AUTS2: variants seen among roughly 807,000 people sequenced by gnomAD.
AUTS2 encodes the protein autism susceptibility gene 2 protein.
In AUTS2, 17 loss-of-function variants were observed where a neutral mutation model predicts 112.4. The observed-to-expected ratio is 0.15, with a 90% CI of 0.10 to 0.23. AUTS2 has a LOEUF of 0.23. Among genes scored for constraint, AUTS2 ranks in the 10% least tolerant of loss-of-function variants. AUTS2 has a pLI of 1.00. For synonymous variants in AUTS2, 751 were observed against 702.7 expected (o/e 1.07, Z -1.09); for missense variants, 1,510 against 1,701.6 (o/e 0.89, Z 1.98).
At chr7:69,662,490 CA>C (rs1182338161) in intron 1 of AUTS2, among the ~76,000 whole-genome samples, 3 of 152,100 alleles carry the variant, frequency 2.0e-5, no homozygotes, top group Non-Finnish European at 2.9e-5. Flanking sequence ...GTGTGACAAC[CA>C]AAAATGTCTC....
chr7:69,639,806 A>G (rs985563034), intron 1 of AUTS2, among the ~76,000 whole-genome samples: 1 of 152,234 alleles, frequency 6.6e-6, no homozygotes, highest in Non-Finnish European at 1.5e-5. Flanking sequence ...TTAAGAAAGC[A>G]GTGAAAAAGC....
intron 1 of AUTS2, among the ~76,000 whole-genome samples, chr7:69,874,727 C>T (rs1368599744): frequency 1.3e-5 from 2 of 152,022 alleles, no homozygotes; most frequent in East Asian, 1.9e-4. Context: ...GACGCGATCT[C>T]GGCTTACTGC....
intron 4 of AUTS2, among the ~76,000 whole-genome samples, chr7:70,304,410 C>T (rs1463088927): frequency 1.3e-5 from 2 of 152,146 alleles, no homozygotes; most frequent in Admixed American, 1.3e-4. Flanking sequence ...CAAAGTATCC[C>T]AGTGGAGCAC....
At chr7:70,265,471 T>G (rs1787374631) in intron 4 of AUTS2, among the ~76,000 whole-genome samples, 1 of 152,162 alleles carries the variant, frequency 6.6e-6, no homozygotes, top group Admixed American at 6.5e-5. Context: ...AGATAATCAC[T>G]GGGAGGTGAG....
chr7:70,247,921 A>G (rs1813010776), intron 4 of AUTS2, among the ~76,000 whole-genome samples: 1 of 152,000 alleles, frequency 6.6e-6, no homozygotes. Flanking sequence ...CTTCATTTCT[A>G]GTTTGCTGAG....
chr7:70,025,450 C>CTTTTTTTTTTTTTTTTT (rs970909285), intron 2 of AUTS2, among the ~76,000 whole-genome samples: 1 of 134,496 alleles, frequency 7.4e-6, no homozygotes. Flanking sequence ...TTTTTGTTTC[C>CTTTTTTTTTTTTTTTTT]TTTTTTTTTT....
chr7:70,591,653 C>A (rs1160446258), intron 5 of AUTS2, among the ~76,000 whole-genome samples: 11 of 152,192 alleles, frequency 7.2e-5, no homozygotes, highest in Admixed American at 7.2e-4. Flanking sequence ...CCCGCCTCAG[C>A]CTCCGAAAGT....
chr7:70,242,739 G>A (rs575158054), intron 4 of AUTS2, among the ~76,000 whole-genome samples: 51 of 152,174 alleles, frequency 3.4e-4, no homozygotes, highest in Middle Eastern at 3.4e-3. Flanking sequence ...GTGCACGTGC[G>A]CACATGTGAG....
intron 1 of AUTS2, among the ~76,000 whole-genome samples, chr7:69,848,915 A>G (rs1792334491): frequency 6.6e-6 from 1 of 152,174 alleles, no homozygotes; most frequent in Admixed American, 6.5e-5. Context: ...TGACTAAATA[A>G]TCTTCAGAAG....
intron 4 of AUTS2, among the ~76,000 whole-genome samples, chr7:70,249,571 G>A (rs1365717488): frequency 6.6e-6 from 1 of 152,068 alleles, no homozygotes. Context: ...CAATGAGAGT[G>A]GTCTGCAGAA....
At chr7:69,876,500 A>G (rs1413293009) in intron 1 of AUTS2, among the ~76,000 whole-genome samples, 2,616 of 8,552 alleles carry the variant, frequency 0.31, 303 homozygotes, top group East Asian at 0.37. Flanking sequence ...ATATATATAT[A>G]TATATATATA....
At chr7:70,030,726 A>G (rs1800736795) in intron 2 of AUTS2, among the ~76,000 whole-genome samples, 1 of 152,198 alleles carries the variant, frequency 6.6e-6, no homozygotes, top group Non-Finnish European at 1.5e-5. Flanking sequence ...CTGGTGTATA[A>G]TAGTAAAACG....
chr7:70,645,531 C>G (rs1279259715), intron 5 of AUTS2, among the ~76,000 whole-genome samples: 1 of 152,064 alleles, frequency 6.6e-6, no homozygotes, highest in Non-Finnish European at 1.5e-5. Flanking sequence ...TCACATTTTC[C>G]AGCTAAGTGT....
intron 5 of AUTS2, among the ~76,000 whole-genome samples, chr7:70,546,194 A>C (rs1285862446): frequency 6.6e-6 from 1 of 152,236 alleles, no homozygotes; most frequent in Non-Finnish European, 1.5e-5. Context: ...CTGTAATCCC[A>C]GCACTTTGGG....
chr7:69,800,470 C>A (rs944347508), intron 1 of AUTS2, among the ~76,000 whole-genome samples: 7 of 152,108 alleles, frequency 4.6e-5, no homozygotes, highest in African/African-American at 1.4e-4. Flanking sequence ...CTTTTCCTGC[C>A]TTTGGTATGA....
chr7:70,094,624 C>T (rs1247676614), intron 2 of AUTS2, among the ~76,000 whole-genome samples: 1 of 152,116 alleles, frequency 6.6e-6, no homozygotes, highest in Non-Finnish European at 1.5e-5. Flanking sequence ...TTTTTTTGTG[C>T]ATCTGAATTT....
chr7:69,921,101 G>T (rs1419768066), intron 2 of AUTS2, among the ~76,000 whole-genome samples: 1 of 152,194 alleles, frequency 6.6e-6, no homozygotes, highest in African/African-American at 2.4e-5. Context: ...TTTGGCATCA[G>T]AGATGGCGAG....
At chr7:70,034,957 A>G (rs900907062) in intron 2 of AUTS2, among the ~76,000 whole-genome samples, 1 of 152,108 alleles carries the variant, frequency 6.6e-6, no homozygotes, top group Non-Finnish European at 1.5e-5. Flanking sequence ...TTAGCTTTCC[A>G]TGTAGCTGGG....
At chr7:69,914,706 G>A (rs2129542190) in intron 2 of AUTS2, among the ~76,000 whole-genome samples, 1 of 151,658 alleles carries the variant, frequency 6.6e-6, no homozygotes. Flanking sequence ...AGACGGAGAG[G>A]AAAGTTGGTG....
Sources: allele counts gnomAD v4.1 joint callset (sites outside exome capture counted in the v4.1 genomes callset), GRCh38; gene constraint gnomAD v4.1.1; transcripts MANE v1.5; gene names NCBI Gene and HGNC (gene_info 2026-07-23, HGNC 2026-07-21).